Variants in CDH13 observed in about 807,000 individuals in gnomAD.
CDH13 encodes the protein cadherin 13, also known as cadherin-13.
Under a neutral mutation model 63.8 loss-of-function variants are expected in CDH13, and 24 were observed. The ratio of observed to expected loss-of-function variants is 0.38; its 90% CI spans 0.27 to 0.53. CDH13 has a LOEUF of 0.53. Ranked by LOEUF, CDH13 falls within the 20% of genes least tolerant of loss-of-function variation. The pLI, the probability that CDH13 is intolerant of heterozygous loss-of-function variation, is 0.85. For missense variants in CDH13, 1,049 were observed against 903.1 expected, an observed-to-expected ratio of 1.16 and a Z score of -2.07; for synonymous variants, 503 against 355.3, an observed-to-expected ratio of 1.42 and a Z score of -4.67.
At chr16:82,819,790 T>C (rs1452234129) in intron 1 of CDH13, among the ~76,000 whole-genome samples, 1 of 152,186 alleles carries the variant, frequency 6.6e-6, no homozygotes, top group African/African-American at 2.4e-5. Flanking sequence ...AATGAATAAA[T>C]ACGGCAAAGA....
intron 1 of CDH13, among the ~76,000 whole-genome samples, chr16:82,772,785 G>T (rs1388170885): frequency 6.6e-6 from 1 of 152,160 alleles, no homozygotes; most frequent in Non-Finnish European, 1.5e-5. Context: ...TAACATCATA[G>T]TGGGATGGCT....
chr16:83,135,363 C>T (rs1278044160), intron 4 of CDH13, among the ~76,000 whole-genome samples: 4 of 152,178 alleles, frequency 2.6e-5, no homozygotes, highest in African/African-American at 7.2e-5. Context: ...TGGGTCTTTG[C>T]TGTTTGCATA....
At chr16:82,784,766 GAAAGC>G (rs2035923926) in intron 1 of CDH13, among the ~76,000 whole-genome samples, 1 of 152,166 alleles carries the variant, frequency 6.6e-6, no homozygotes, top group African/African-American at 2.4e-5. Context: ...CTGGCAAAAA[GAAAGC>G]AAAACAGACT....
At chr16:83,378,131 A>G (rs1369717350) in intron 6 of CDH13, among the ~76,000 whole-genome samples, 1 of 152,210 alleles carries the variant, frequency 6.6e-6, no homozygotes, top group African/African-American at 2.4e-5. Flanking sequence ...CAGCATCACC[A>G]TCATCACTAC....
At chr16:82,906,526 T>C (rs2041652211) in intron 2 of CDH13, among the ~76,000 whole-genome samples, 1 of 152,182 alleles carries the variant, frequency 6.6e-6, no homozygotes, top group African/African-American at 2.4e-5. Context: ...GAATGGACTG[T>C]GACAAAGGCT....
intron 2 of CDH13, chr16:82,859,819 G>C (rs2039862078): frequency 6.6e-6 from 1 of 151,880 alleles, no homozygotes; most frequent in African/African-American, 2.4e-5. Context: ...CAATAATGAA[G>C]ATGCACTGTT....
intron 6 of CDH13, among the ~76,000 whole-genome samples, chr16:83,381,769 G>C (rs1283719250): frequency 3.3e-5 from 5 of 150,778 alleles, no homozygotes; most frequent in African/African-American, 1.2e-4. Flanking sequence ...TCCTTTACTA[G>C]ATCCAGGGTA....
chr16:83,115,664 C>T (rs1018574529), intron 3 of CDH13, among the ~76,000 whole-genome samples: 4 of 152,250 alleles, frequency 2.6e-5, no homozygotes, highest in African/African-American at 7.2e-5. Flanking sequence ...ACTGTTCTCC[C>T]TTAATTCCCT....
At chr16:82,708,119 A>C (rs964351829) in intron 1 of CDH13, among the ~76,000 whole-genome samples, 1 of 152,188 alleles carries the variant, frequency 6.6e-6, no homozygotes, top group African/African-American at 2.4e-5. Flanking sequence ...CAGTGCACGC[A>C]TGGAGGCAAA....
rs141286031 is a variant in CDH13 at position 83,319,459 on chromosome 16, A to G, written c.637-25403A>G. ...GAGCTGGTTTCTTTTTTGCCAACCT[A>G]AGAAGGCTTTGTTGTTGTTGTTTCT... On this transcript the variant is annotated intron_variant, in intron 5 of 13. Coordinates refer to ENST00000567109, the MANE Select transcript of CDH13 (RefSeq NM_001257.5). Among the ~76,000 whole-genome samples, 160 of 152,310 alleles carry G rather than the reference A, an allele frequency of 1.1e-3. 1 individual carries two copies. The highest frequency in any genetic ancestry group is 3.7e-3 in the African/African-American group (152 of 41,568).
intron 2 of CDH13, among the ~76,000 whole-genome samples, chr16:82,920,572 T>G (rs2042123064): frequency 6.6e-6 from 1 of 152,184 alleles, no homozygotes; most frequent in South Asian, 2.1e-4. Context: ...CAAGGCAGTT[T>G]CCTATGGAAA....
At chr16:83,562,494 A>G (rs147965414) in intron 7 of CDH13, among the ~76,000 whole-genome samples, 1 of 152,206 alleles carries the variant, frequency 6.6e-6, no homozygotes, top group African/African-American at 2.4e-5. Flanking sequence ...TTTAATTTCT[A>G]TTTGCCTATT....
At position 83,085,550 on chromosome 16, in the gene CDH13, T is replaced by C. The variant is rs116343969; in HGVS notation, c.367-39835T>C. On this transcript the variant is annotated intron_variant, in intron 3 of 13. Coordinates refer to ENST00000567109, the MANE Select transcript of CDH13 (RefSeq NM_001257.5). ...ATAAGAAAGTCTTATCAAAAACCACTAGAAGTCTACTGTTTGTCTCTCATA... is the reference window on the plus strand; with the variant it reads ...ATAAGAAAGTCTTATCAAAAACCACCAGAAGTCTACTGTTTGTCTCTCATA... 8.6e-3 allele frequency among the ~76,000 whole-genome samples: 1,309 copies of C among 152,312 alleles called. 18 individuals are homozygous for C. Among genetic ancestry groups the C allele is most frequent in the African/African-American group, 0.03 (1,251 of 41,566 alleles).
At chr16:83,199,455 A>T (rs1475867817) in intron 4 of CDH13, among the ~76,000 whole-genome samples, 1 of 152,154 alleles carries the variant, frequency 6.6e-6, no homozygotes, top group African/African-American at 2.4e-5. Flanking sequence ...TGTGTAACCC[A>T]TTGGACAAAT....
In CDH13 at chr16:83,583,817, T is replaced by A. The variant is rs145466403; in HGVS notation, c.961-18637T>A. Among the ~76,000 whole-genome samples, 754 of 151,654 alleles carry A rather than the reference T, an allele frequency of 5.0e-3. 7 individuals carry two copies. The highest frequency in any genetic ancestry group is 0.017 in the African/African-American group (714 of 41,350). On this transcript the variant is annotated intron_variant, in intron 7 of 13. Coordinates refer to ENST00000567109, the MANE Select transcript of CDH13 (RefSeq NM_001257.5). Reference sequence around the variant, plus strand: ...CTCTAGACCTAGCTACTCCAGAAGCTGAGGCAGAAGAATCACTTGAGCCCA... The same window carrying A: ...CTCTAGACCTAGCTACTCCAGAAGCAGAGGCAGAAGAATCACTTGAGCCCA...
intron 8 of CDH13, among the ~76,000 whole-genome samples, chr16:83,625,026 G>A (rs1171658684): frequency 6.6e-6 from 1 of 152,158 alleles, no homozygotes; most frequent in African/African-American, 2.4e-5. Flanking sequence ...AATTGGCCAT[G>A]GGGGGAATAT....
At chr16:83,576,865 T>C (rs1386040557) in intron 7 of CDH13, among the ~76,000 whole-genome samples, 2 of 152,244 alleles carry the variant, frequency 1.3e-5, no homozygotes, top group Non-Finnish European at 2.9e-5. Context: ...TGTAGAGTTA[T>C]AAATGTTGCC....
intron 1 of CDH13, among the ~76,000 whole-genome samples, chr16:82,688,396 C>T (rs1915299868): frequency 6.6e-6 from 1 of 152,200 alleles, no homozygotes; most frequent in Non-Finnish European, 1.5e-5. Flanking sequence ...AAAAAGAAGC[C>T]ATGATCACAG....
chr16:83,016,870 T>G (rs1006222244), intron 2 of CDH13, among the ~76,000 whole-genome samples: 1 of 152,182 alleles, frequency 6.6e-6, no homozygotes, highest in Non-Finnish European at 1.5e-5. Context: ...TTTATGACAT[T>G]TATGAAAACC....
Sources: allele counts gnomAD v4.1 joint callset (sites outside exome capture counted in the v4.1 genomes callset), GRCh38; gene constraint gnomAD v4.1.1; transcripts MANE v1.5; gene names NCBI Gene and HGNC (gene_info 2026-07-23, HGNC 2026-07-21).